The following TRAK2 variants were observed in gnomAD, a reference collection of about 807,000 sequenced individuals.
TRAK2 encodes the protein trafficking kinesin protein 2.
In TRAK2, 81 loss-of-function variants were observed where a neutral mutation model predicts 104.6. The ratio of observed to expected loss-of-function variants is 0.77; its 90% CI spans 0.65 to 0.93. The LOEUF (loss-of-function observed/expected upper bound fraction) is 0.93. TRAK2 is among the 40% of genes least tolerant of loss of function. The pLI, the probability that TRAK2 is intolerant of heterozygous loss-of-function variation, is 0.00. For missense variants in TRAK2, 1,002 were observed against 1,089.0 expected (o/e 0.92, Z 1.12); for synonymous variants, 406 against 394.4 (o/e 1.03, Z -0.35).
intron 1 of TRAK2, among the ~76,000 whole-genome samples, chr2:201,427,833 T>C (rs980382751): frequency 2.0e-5 from 3 of 152,198 alleles, no homozygotes; most frequent in African/African-American, 7.2e-5. Flanking sequence ...TCCAGCCACC[T>C]GTTGTTTCCT....
chr2:201,416,893 A>C (rs553260178), intron 2 of TRAK2, among the ~76,000 whole-genome samples: 2 of 152,170 alleles, frequency 1.3e-5, no homozygotes, highest in African/African-American at 4.8e-5. Context: ...AAAAAACGGA[A>C]GACGGAACAA....
At position 201,389,407 on chromosome 2, in the gene TRAK2, G is replaced by A; in HGVS notation, c.1290C>T (p.Ser430=). The change falls in exon 12 of 16, where the codon TCC becomes TCT. Residue 430 remains serine (S), a synonymous_variant. Coordinates refer to ENST00000332624, the MANE Select transcript of TRAK2 (RefSeq NM_015049.3). ...CTGTCATGATGACACTTGAACGGTT[G>A]GAGCCTGGAATGGGTAACAGAGCTG... ...SFPALLPIPG[S]NRSSVIMTAK... is the part of the protein sequence containing the mutation. 1 of 1,614,132 alleles carries A rather than the reference G, an allele frequency of 6.2e-7. No individual in the cohort carries two copies. The highest frequency in any genetic ancestry group is 8.5e-7 in the Non-Finnish European group (1 of 1,180,028).
At position 201,387,986 on chromosome 2, in the gene TRAK2, C is replaced by T. The variant is rs1418916084; in HGVS notation, c.1413G>A (p.Met471Ile). The T allele has an allele frequency of 1.2e-6, 2 of 1,613,934 alleles. No individual in the cohort carries two copies. Among genetic ancestry groups the T allele is most frequent in the Non-Finnish European group, 1.7e-6 (2 of 1,179,984 alleles). The change falls in exon 13 of 16, where the codon ATG (methionine) becomes ATA (isoleucine). Residue 471 changes from methionine to isoleucine, a missense_variant. Met to Ile is a conservative substitution (Grantham distance 10). Coordinates refer to ENST00000332624, the MANE Select transcript of TRAK2 (RefSeq NM_015049.3). ...SEEVAGSSQK[M>I]GQPGPSGDSD... ...TATCTCCTGAGGGTCCTGGTTGGCC[C>T]ATCTTCTGGGAGCTCCTATAGGAAA... is the stretch of plus-strand genomic sequence containing the variant.
chr2:201,414,389 T>C (rs1323730793), intron 2 of TRAK2, among the ~76,000 whole-genome samples: 1 of 152,232 alleles, frequency 6.6e-6, no homozygotes, highest in Non-Finnish European at 1.5e-5. Flanking sequence ...TGGTATTTCC[T>C]TTGTGGGTAG....
chr2:201,427,890 T>C (rs988963622), intron 1 of TRAK2, among the ~76,000 whole-genome samples: 2 of 152,238 alleles, frequency 1.3e-5, no homozygotes, highest in African/African-American at 4.8e-5. Flanking sequence ...TGGTATCCCA[T>C]TGTGGTTTGC....
chr2:201,428,450 G>C (rs899728730), intron 1 of TRAK2, among the ~76,000 whole-genome samples: 11 of 152,110 alleles, frequency 7.2e-5, no homozygotes, highest in East Asian at 1.9e-4. Context: ...GCTTGTTTTT[G>C]TCAGGTTTGT....
In TRAK2 at chr2:201,401,077, C is replaced by A. The variant is rs145790146; in HGVS notation, c.304G>T (p.Val102Leu). The change falls in exon 4 of 16, where the codon GTG becomes TTG. Residue 102 changes from valine to leucine, a missense_variant. Val to Leu is a conservative substitution (Grantham distance 32). Coordinates refer to ENST00000332624, the MANE Select transcript of TRAK2 (RefSeq NM_015049.3). ...TTGTAAGTTTTGGTCATCTGCTCCA[C>A]CCTGTCTGTGCCTAGAACTAATATA... ...FRYMILGTDRVEQMTKTYNDI... is the reference protein window; with the variant it reads ...FRYMILGTDRLEQMTKTYNDI... 2.1e-5 allele frequency: 34 copies of A among 1,609,730 alleles called. No individual in the cohort carries two copies. Among genetic ancestry groups the A allele is most frequent in the Non-Finnish European group, 2.6e-5 (31 of 1,177,176 alleles).
chr2:201,416,150 G>A (rs1171489689), intron 2 of TRAK2, among the ~76,000 whole-genome samples: 1 of 150,932 alleles, frequency 6.6e-6, no homozygotes, highest in Non-Finnish European at 1.5e-5. Flanking sequence ...CACTTTGGGA[G>A]GTCAAGGTGA....
intron 1 of TRAK2, among the ~76,000 whole-genome samples, chr2:201,432,211 G>C (rs1951847871): frequency 6.6e-6 from 1 of 152,154 alleles, no homozygotes; most frequent in African/African-American, 2.4e-5. Context: ...AGCTTAGTGT[G>C]ATTAATCATT....
At chr2:201,392,492 T>C (rs1255056794) in intron 10 of TRAK2, among the ~76,000 whole-genome samples, 2 of 152,170 alleles carry the variant, frequency 1.3e-5, no homozygotes, top group Non-Finnish European at 2.9e-5. Flanking sequence ...AAGATGAATC[T>C]TGTTCTCATG....
At chr2:201,417,600 T>C (rs1304455359) in intron 2 of TRAK2, among the ~76,000 whole-genome samples, 1 of 152,178 alleles carries the variant, frequency 6.6e-6, no homozygotes, top group Non-Finnish European at 1.5e-5. Context: ...CAATTTAATA[T>C]AGGGTATTGT....
At chr2:201,446,709 T>C (rs186970492) in intron 1 of TRAK2, among the ~76,000 whole-genome samples, 1 of 152,362 alleles carries the variant, frequency 6.6e-6, no homozygotes, top group African/African-American at 2.4e-5. Flanking sequence ...TGCTTCAGTA[T>C]GTTTACGTTT....
At chr2:201,421,964 G>T (rs1160449457) in intron 1 of TRAK2, among the ~76,000 whole-genome samples, 1 of 150,650 alleles carries the variant, frequency 6.6e-6, no homozygotes, top group African/African-American at 2.4e-5. Context: ...CAGGAGAATC[G>T]CTTGAGCCTG....
chr2:201,430,656 C>A (rs948834915), intron 1 of TRAK2, among the ~76,000 whole-genome samples: 1 of 152,132 alleles, frequency 6.6e-6, no homozygotes, highest in Non-Finnish European at 1.5e-5. Context: ...TCCTGGTGTG[C>A]CCTTTGCTAA....
intron 1 of TRAK2, among the ~76,000 whole-genome samples, chr2:201,424,681 C>G (rs931801139): frequency 1.3e-5 from 2 of 151,994 alleles, no homozygotes; most frequent in Non-Finnish European, 2.9e-5. Flanking sequence ...CGGCTCACTG[C>G]AAGCTCTGAC....
intron 1 of TRAK2, among the ~76,000 whole-genome samples, chr2:201,439,040 A>G (rs1358626914): frequency 6.6e-6 from 1 of 152,378 alleles, no homozygotes; most frequent in African/African-American, 2.4e-5. Context: ...ATAAATCTCT[A>G]TTCCAATAAA....
chr2:201,398,542 C>T (rs1951522196), intron 5 of TRAK2, among the ~76,000 whole-genome samples, 188 bp from the exon 6 acceptor site: 2 of 152,058 alleles, frequency 1.3e-5, no homozygotes, highest in African/African-American at 2.4e-5. Flanking sequence ...TCCTAAGTTA[C>T]AATTTTAGAG....
chr2:201,381,369 C>G (rs1023238423), intron 15 of TRAK2, 151 bp from the exon 16 acceptor site: 2 of 662,272 alleles, frequency 3.0e-6, no homozygotes, highest in African/African-American at 3.6e-5. Context: ...TGGAACAGAT[C>G]TGGGGAATGA....
chr2:201,425,316 T>C (rs545750656), intron 1 of TRAK2, among the ~76,000 whole-genome samples: 1 of 152,250 alleles, frequency 6.6e-6, no homozygotes, highest in Non-Finnish European at 1.5e-5. Context: ...TTCCACAGAA[T>C]TTAGGTAAAC....
Sources: allele counts gnomAD v4.1 joint callset (sites outside exome capture counted in the v4.1 genomes callset), GRCh38; gene constraint gnomAD v4.1.1; transcripts MANE v1.5; gene names NCBI Gene and HGNC (gene_info 2026-07-23, HGNC 2026-07-21).